The following MDGA2 variants were observed in gnomAD, a reference collection of about 807,000 sequenced individuals.
The protein encoded by MDGA2 is MAM domain-containing glycosylphosphatidylinositol anchor protein 2.
MDGA2 carries 40 observed loss-of-function variants against 117.8 expected under a neutral mutation model. That is an observed-to-expected ratio of 0.34 (90% CI 0.26 to 0.44). The LOEUF (loss-of-function observed/expected upper bound fraction) is 0.44, where lower values mean the gene tolerates loss of function less well. MDGA2 is among the 20% of genes least tolerant of loss of function. The pLI is 1.00. For missense variants in MDGA2, 1,123 were observed against 1,250.6 expected, an observed-to-expected ratio of 0.90 and a Z score of 1.54; for synonymous variants, 452 against 439.0, an observed-to-expected ratio of 1.03 and a Z score of -0.37.
intron 1 of MDGA2, among the ~76,000 whole-genome samples, chr14:47,493,645 T>C (rs1894219416): frequency 6.6e-6 from 1 of 152,098 alleles, no homozygotes; most frequent in African/African-American, 2.4e-5. Context: ...TTTTTAAGTA[T>C]CTGTTTGAAT....
chr14:47,264,927 T>C (rs1301866997), intron 2 of MDGA2, among the ~76,000 whole-genome samples: 1 of 152,094 alleles, frequency 6.6e-6, no homozygotes, highest in Non-Finnish European at 1.5e-5. Context: ...ATTGTTCAAC[T>C]CCCACTTATG....
chr14:47,629,433 CA>C (rs1317170369), intron 1 of MDGA2, among the ~76,000 whole-genome samples: 1 of 151,914 alleles, frequency 6.6e-6, no homozygotes, highest in Non-Finnish European at 1.5e-5. Context: ...AGTTGTATGC[CA>C]AAAAAAGGAA....
At chr14:47,149,239 A>T (rs1883068735) in intron 3 of MDGA2, among the ~76,000 whole-genome samples, 1 of 152,138 alleles carries the variant, frequency 6.6e-6, no homozygotes, top group African/African-American at 2.4e-5. Context: ...GCAGTGAGCC[A>T]AGATCACACC....
intron 1 of MDGA2, among the ~76,000 whole-genome samples, chr14:47,410,097 C>G (rs999289665): frequency 6.6e-6 from 1 of 152,152 alleles, no homozygotes; most frequent in Non-Finnish European, 1.5e-5. Flanking sequence ...TGTCTTCAGA[C>G]AGGAAGCTTG....
intron 1 of MDGA2, among the ~76,000 whole-genome samples, chr14:47,523,500 G>T (rs893802732): frequency 3.9e-5 from 6 of 152,136 alleles, no homozygotes; most frequent in Non-Finnish European, 8.8e-5. Context: ...ATGACAAAGA[G>T]ACTGGAATTC....
At chr14:47,516,484 G>C (rs908941415) in intron 1 of MDGA2, among the ~76,000 whole-genome samples, 1 of 152,190 alleles carries the variant, frequency 6.6e-6, no homozygotes, top group Non-Finnish European at 1.5e-5. Context: ...CTGATTAATA[G>C]ACTTGAATAT....
Position 46,867,287 on chromosome 14 carries a change from C to G in MDGA2, c.2752+6146G>C, listed in dbSNP as rs551527550. Among the ~76,000 whole-genome samples the G allele has an allele frequency of 9.9e-5, 15 of 151,932 alleles. No individual in the cohort carries two copies. The South Asian group carries it at 3.1e-3, about 32-fold the overall frequency. Reference sequence around the variant, plus strand: ...AATCATCATTCTCAGTAAACTATCGCAAGAACAAAAAACCAAACACCGCAT... The same window carrying G: ...AATCATCATTCTCAGTAAACTATCGGAAGAACAAAAAACCAAACACCGCAT... On this transcript the variant is annotated intron_variant, in intron 14 of 16. Coordinates refer to ENST00000399232, the MANE Select transcript of MDGA2 (RefSeq NM_001113498.3).
intron 1 of MDGA2, among the ~76,000 whole-genome samples, chr14:47,477,084 C>T (rs1421510227): frequency 6.6e-6 from 1 of 152,180 alleles, no homozygotes; most frequent in Non-Finnish European, 1.5e-5. Context: ...ATCACTTGAA[C>T]CCAGGAGGTG....
At chr14:47,107,387 T>C (rs1220668243) in intron 5 of MDGA2, among the ~76,000 whole-genome samples, 1 of 152,160 alleles carries the variant, frequency 6.6e-6, no homozygotes, top group Non-Finnish European at 1.5e-5. Flanking sequence ...TATACTCTCC[T>C]ATCCTCAATA....
At chr14:47,665,590 G>A (rs868722787) in intron 1 of MDGA2, among the ~76,000 whole-genome samples, 12 of 152,162 alleles carry the variant, frequency 7.9e-5, no homozygotes, top group Admixed American at 3.3e-4. Flanking sequence ...CTGGAGTTCC[G>A]GGTGGGCGTG....
Position 47,464,100 on chromosome 14 carries a change from TACACACACAC to T in MDGA2, c.281-162560_281-162551del, listed in dbSNP as rs71449610. On this transcript the variant is annotated intron_variant, in intron 1 of 16. Coordinates refer to ENST00000399232, the MANE Select transcript of MDGA2 (RefSeq NM_001113498.3). ...TAAAATTCATTTCTCACTTACTATG[TACACACACAC>T]ACACACACACACACACACACACACA... Among the ~76,000 whole-genome samples the T allele has an allele frequency of 3.3e-3, 469 of 141,576 alleles. 2 individuals are homozygous for T. Among genetic ancestry groups the T allele is most frequent in the African/African-American group, 7.4e-3 (283 of 38,122 alleles). 92.9% of individuals were successfully genotyped at this position (141,576 alleles called of 152,430 possible).
chr14:47,172,960 T>G (rs1240431612), intron 3 of MDGA2, among the ~76,000 whole-genome samples: 1 of 152,068 alleles, frequency 6.6e-6, no homozygotes, highest in African/African-American at 2.4e-5. Context: ...TTAAAGGAGC[T>G]GATGGAGCTG....
At chr14:46,918,126 A>G (rs1883971740) in intron 10 of MDGA2, among the ~76,000 whole-genome samples, 1 of 152,216 alleles carries the variant, frequency 6.6e-6, no homozygotes, top group Non-Finnish European at 1.5e-5. Flanking sequence ...AACGTAACTG[A>G]GGAAGAAAGT....
intron 1 of MDGA2, among the ~76,000 whole-genome samples, chr14:47,632,135 A>G (rs1346711249): frequency 1.3e-5 from 2 of 152,188 alleles, no homozygotes; most frequent in Non-Finnish European, 2.9e-5. Context: ...CTGTGCATTC[A>G]TATGTCCTAC....
intron 9 of MDGA2, among the ~76,000 whole-genome samples, chr14:46,948,675 C>G (rs534437999): frequency 6.6e-6 from 1 of 152,030 alleles, no homozygotes; most frequent in East Asian, 1.9e-4. Flanking sequence ...TCTCTCTCAA[C>G]GTTTCTCCTA....
intron 9 of MDGA2, among the ~76,000 whole-genome samples, chr14:46,927,859 A>C (rs1884389936): frequency 6.6e-6 from 1 of 152,184 alleles, no homozygotes; most frequent in Middle Eastern, 3.2e-3. Flanking sequence ...AGAGCTGTAC[A>C]CATCACATTA....
chr14:47,118,857 C>A (rs970864394), intron 5 of MDGA2, among the ~76,000 whole-genome samples: 2 of 152,060 alleles, frequency 1.3e-5, no homozygotes, highest in African/African-American at 4.8e-5. Flanking sequence ...CCTCAGCCTC[C>A]CAAGTAGCTG....
At chr14:47,652,519 T>TG (rs1353806192) in intron 1 of MDGA2, among the ~76,000 whole-genome samples, 2 of 152,186 alleles carry the variant, frequency 1.3e-5, no homozygotes, top group African/African-American at 4.8e-5. Context: ...AATACTGATT[T>TG]GTTCAAGTTA....
At chr14:47,369,630 T>C (rs1891302369) in intron 1 of MDGA2, among the ~76,000 whole-genome samples, 1 of 152,118 alleles carries the variant, frequency 6.6e-6, no homozygotes, top group Non-Finnish European at 1.5e-5. Context: ...AGATGAAAAA[T>C]GATGCTCACT....
Sources: allele counts gnomAD v4.1 joint callset (sites outside exome capture counted in the v4.1 genomes callset), GRCh38; gene constraint gnomAD v4.1.1; transcripts MANE v1.5; gene names NCBI Gene and HGNC (gene_info 2026-07-23, HGNC 2026-07-21).